ERMP1: variants seen among roughly 807,000 people sequenced by gnomAD.
ERMP1 encodes endoplasmic reticulum metallopeptidase 1.
A neutral mutation model predicts 92.0 loss-of-function variants in ERMP1; 86 were observed. The ratio of observed to expected loss-of-function variants is 0.93; its 90% CI spans 0.79 to 1.12. ERMP1 has a LOEUF of 1.12. Among genes scored for constraint, ERMP1 ranks in the 50% most tolerant of loss-of-function variants. The probability of loss-of-function intolerance (pLI) is 0.00; values close to 1 mark genes in which losing one functional copy is unlikely to be tolerated. For synonymous variants in ERMP1, 530 were observed against 412.8 expected (o/e 1.28, Z -3.44); for missense variants, 1,342 against 1,116.3 (o/e 1.20, Z -2.88).
chr9:5,791,810 TG>T (rs1261684366), intron 13 of ERMP1, among the ~76,000 whole-genome samples: 1 of 152,196 alleles, frequency 6.6e-6, no homozygotes, highest in Non-Finnish European at 1.5e-5. Context: ...GTGATTATAC[TG>T]GATGCCAAGA....
At chr9:5,797,768 A>T (rs759960660) in intron 13 of ERMP1, 49 bp downstream of exon 13, 2 of 1,140,932 alleles carry the variant, frequency 1.8e-6, no homozygotes, top group Non-Finnish European at 2.6e-6. Flanking sequence ...CCACTTATTA[A>T]CAAGTTTAAG....
At chr9:5,837,396 T>C (rs548923046), upstream of ERMP1, among the ~76,000 whole-genome samples, 37 of 152,242 alleles carry the variant, frequency 2.4e-4, no homozygotes, top group African/African-American at 7.9e-4. Flanking sequence ...CAACAACTTT[T>C]TAACTAGTAC....
chr9:5,820,044 A>G (rs1829470872), intron 4 of ERMP1, among the ~76,000 whole-genome samples: 1 of 152,244 alleles, frequency 6.6e-6, no homozygotes, highest in South Asian at 2.1e-4. Flanking sequence ...TCACACCTGT[A>G]ATCCCAGCAC....
intron 13 of ERMP1, among the ~76,000 whole-genome samples, chr9:5,795,637 G>A (rs138477452): frequency 6.6e-6 from 1 of 152,144 alleles, no homozygotes; most frequent in Non-Finnish European, 1.5e-5. Flanking sequence ...AATTAGCCAG[G>A]TGTGGTGGCG....
At chr9:5,815,213 G>C (rs1829254903) in intron 4 of ERMP1, among the ~76,000 whole-genome samples, 1 of 152,088 alleles carries the variant, frequency 6.6e-6, no homozygotes, top group African/African-American at 2.4e-5. Flanking sequence ...AAGAAAAACT[G>C]TATCTGGCAC....
At chr9:5,848,563 T>A (rs1830267568) in intron 6 of ERMP1, among the ~76,000 whole-genome samples, 1 of 152,184 alleles carries the variant, frequency 6.6e-6, no homozygotes, top group African/African-American at 2.4e-5. Context: ...GTCTCAGTGG[T>A]TTTGTCAATA....
intron 1 of ERMP1, 140 bp from the exon 2 acceptor site, chr9:5,831,168 T>C (rs190221587): frequency 1.6e-6 from 1 of 629,294 alleles, no homozygotes; most frequent in Admixed American, 3.0e-5. Context: ...TTTCATTATT[T>C]CAGACACCAA....
At chr9:5,834,701 A>ATG (rs1461362378), upstream of ERMP1, among the ~76,000 whole-genome samples, 209 of 62,858 alleles carry the variant, frequency 3.3e-3, 1 homozygote, top group Middle Eastern at 9.1e-3. Flanking sequence ...ATGTATGTAT[A>ATG]TATGTGTGTG....
intron 2 of ERMP1, among the ~76,000 whole-genome samples, chr9:5,829,847 C>A (rs1242168845): frequency 6.6e-6 from 1 of 152,170 alleles, no homozygotes; most frequent in African/African-American, 2.4e-5. Flanking sequence ...ATTGTAAATG[C>A]TATTTTCCAT....
At chr9:5,844,909 T>C (rs1252734295) in intron 6 of ERMP1, among the ~76,000 whole-genome samples, 1 of 152,222 alleles carries the variant, frequency 6.6e-6, no homozygotes, top group Non-Finnish European at 1.5e-5. Flanking sequence ...CCAAAAATTA[T>C]GGCTGCTTTG....
At chr9:5,789,813 A>T (rs1260755932) in intron 13 of ERMP1, among the ~76,000 whole-genome samples, 3 of 150,408 alleles carry the variant, frequency 2.0e-5, no homozygotes, top group Non-Finnish European at 4.4e-5. Context: ...CCTCCCAAGT[A>T]GCTGGGACTA....
chr9:5,824,522 C>G (rs945078076), intron 3 of ERMP1, among the ~76,000 whole-genome samples: 3 of 152,210 alleles, frequency 2.0e-5, no homozygotes, highest in Non-Finnish European at 4.4e-5. Context: ...CCTGCCTCAA[C>G]CTCCCGAATA....
At chr9:5,820,009 A>T (rs1829469415) in intron 4 of ERMP1, among the ~76,000 whole-genome samples, 1 of 152,220 alleles carries the variant, frequency 6.6e-6, no homozygotes, top group South Asian at 2.1e-4. Context: ...CATTCTAAAG[A>T]AGGCTACAGG....
chr9:5,811,458 A>G, intron 6 of ERMP1, 135 bp from the exon 7 acceptor site: 1 of 681,052 alleles, frequency 1.5e-6, no homozygotes, highest in Non-Finnish European at 2.4e-6. Flanking sequence ...AAATGGTTAG[A>G]AAGAATGTGA....
In ERMP1 at chr9:5,811,198, A is replaced by T. The variant is rs1289715055; in HGVS notation, c.1240T>A (p.Ser414Thr). 2.5e-6 allele frequency: 4 copies of T among 1,613,978 alleles called. No individual in the cohort carries two copies. The highest frequency in any genetic ancestry group is 2.7e-5 in the African/African-American group (2 of 74,896). The change falls in exon 7 of 15, where the codon TCT becomes ACT. Residue 414 changes from serine to threonine, a missense_variant. Ser to Thr is a moderately conservative substitution (Grantham distance 58, BLOSUM62 1). Transcript: ENST00000339450. ...TAGTTTATGATTGAGCCAATACGAG[A>T]GGGGTAGGCAATGACAAACAGGCCC... The part of the protein sequence containing the change: ...VLGLFVIAYP[S>T]RIGSIINYMV...
intron 13 of ERMP1, among the ~76,000 whole-genome samples, chr9:5,793,753 CTTTAA>C (rs923515461): frequency 3.9e-5 from 6 of 152,068 alleles, no homozygotes; most frequent in African/African-American, 1.4e-4. Flanking sequence ...ACATAACAAT[CTTTAA>C]TTTGTATGTA....
At chr9:5,831,338 G>T (rs751160229) in intron 1 of ERMP1, among the ~76,000 whole-genome samples, 2 of 152,200 alleles carry the variant, frequency 1.3e-5, no homozygotes, top group Non-Finnish European at 2.9e-5. Context: ...AGGCACGGTG[G>T]CTCACGCCTG....
Position 5,812,264 on chromosome 9 carries a change from C to G in ERMP1, c.1022-47G>C, listed in dbSNP as rs115692742. 1,895 of 1,173,802 alleles carry G rather than the reference C, an allele frequency of 1.6e-3. 26 individuals are homozygous for G. In the African/African-American group the frequency reaches 0.027, roughly 16 times the overall value. 72.7% of individuals were successfully genotyped at this position (1,173,802 alleles called of 1,614,324 possible). On this transcript the variant is annotated intron_variant, in intron 5 of 14. Coordinates refer to ENST00000339450, the MANE Select transcript of ERMP1 (RefSeq NM_024896.3). ...AAAAAAGTCATTTTGCTTTAAAGAT[C>G]AACCTTGCTTTCGACCTATTTCTTT...
At chr9:5,817,517 A>G (rs1411811557) in intron 4 of ERMP1, among the ~76,000 whole-genome samples, 2 of 152,240 alleles carry the variant, frequency 1.3e-5, no homozygotes, top group African/African-American at 4.8e-5. Context: ...TCAGTACCCT[A>G]TCCTACCTCC....
Sources: allele counts gnomAD v4.1 joint callset (sites outside exome capture counted in the v4.1 genomes callset), GRCh38; gene constraint gnomAD v4.1.1; transcripts MANE v1.5; gene names NCBI Gene and HGNC (gene_info 2026-07-23, HGNC 2026-07-21).